The following RBFOX1 variants were observed in gnomAD, a reference collection of about 807,000 sequenced individuals.
The protein encoded by RBFOX1 is RNA binding protein fox-1 homolog 1.
In RBFOX1, 8 loss-of-function variants were observed where a neutral mutation model predicts 57.7. That is an observed-to-expected ratio of 0.14 (90% CI 0.08 to 0.25). RBFOX1 has a LOEUF of 0.25. RBFOX1 is among the 10% of genes least tolerant of loss of function. The probability of loss-of-function intolerance (pLI) is 1.00; values close to 1 mark genes in which losing one functional copy is unlikely to be tolerated. For missense variants in RBFOX1, 611 were observed against 548.5 expected (o/e 1.11, Z -1.14); for synonymous variants, 326 against 222.4 (o/e 1.47, Z -4.15).
Position 7,351,397 on chromosome 16 carries a change from A to C in RBFOX1, c.28-166750A>C, listed in dbSNP as rs192055566. 1.7e-3 allele frequency among the ~76,000 whole-genome samples: 266 copies of C among 152,392 alleles called. 2 individuals carry two copies. The highest frequency in any genetic ancestry group is 0.015 in the Admixed American group (229 of 15,308). On this transcript the variant is annotated intron_variant, in intron 4 of 15. Transcript: ENST00000550418. The stretch of plus-strand genomic sequence containing the variant: ...ACCACTACGTGCAAGGCACGATGGC[A>C]AACATTAGGAACGCAATGAAGTCAG...
chr16:5,454,650 C>T (rs1207084472), intron 1 of RBFOX1, among the ~76,000 whole-genome samples: 2 of 152,164 alleles, frequency 1.3e-5, no homozygotes, highest in Non-Finnish European at 2.9e-5. Flanking sequence ...ACCTGGGTCT[C>T]TATTTGGTTA....
chr16:5,892,325 T>G (rs964944718), intron 4 of RBFOX1, among the ~76,000 whole-genome samples: 2 of 152,174 alleles, frequency 1.3e-5, no homozygotes, highest in Non-Finnish European at 2.9e-5. Flanking sequence ...AGTTCTGCCT[T>G]TGCTGTCAGA....
intron 3 of RBFOX1, among the ~76,000 whole-genome samples, chr16:6,672,730 A>G (rs1160734644): frequency 6.6e-6 from 1 of 152,132 alleles, no homozygotes; most frequent in Non-Finnish European, 1.5e-5. Context: ...TGCCTTGTGA[A>G]GCAGTGAGGC....
At chr16:5,251,114 ACCCTGCTAACGGTCCCCCCAGC>A (rs1292999670) in intron 1 of RBFOX1, among the ~76,000 whole-genome samples, 3 of 139,834 alleles carry the variant, frequency 2.1e-5, no homozygotes, top group Non-Finnish European at 4.8e-5. Context: ...GTCCCCGCAG[ACCCTGCTAACGGTCCCCCCAGC>A]CCCTGCTAAC....
chr16:5,383,973 A>G (rs1338189744), intron 1 of RBFOX1, among the ~76,000 whole-genome samples: 2 of 152,268 alleles, frequency 1.3e-5, no homozygotes, highest in East Asian at 1.9e-4. Flanking sequence ...ATTCTCCTCC[A>G]TGCTGGCTTC....
intron 4 of RBFOX1, among the ~76,000 whole-genome samples, chr16:7,217,373 T>C (rs4625735): frequency 0.73 from 107,745 of 147,048 alleles, 40,105 homozygotes; most frequent in East Asian, 0.96. Flanking sequence ...TTAGGTGATG[T>C]CCACCTTGGC....
chr16:7,663,523 G>C (rs912363932), intron 12 of RBFOX1, among the ~76,000 whole-genome samples: 1 of 151,956 alleles, frequency 6.6e-6, no homozygotes, highest in Non-Finnish European at 1.5e-5. Flanking sequence ...GTGTGTGTGT[G>C]TGTGTGTGTT....
chr16:7,160,550 G>T (rs1327620303), intron 4 of RBFOX1, among the ~76,000 whole-genome samples: 6 of 151,992 alleles, frequency 3.9e-5, no homozygotes, highest in Non-Finnish European at 7.4e-5. Context: ...ACTTGTTCTT[G>T]TTGATTCAAT....
Position 5,901,038 on chromosome 16 carries a change from C to T in RBFOX1, c.351+33703C>T, listed in dbSNP as rs1034530780. 8.5e-5 allele frequency among the ~76,000 whole-genome samples: 13 copies of T among 152,182 alleles called. No individual in the cohort carries two copies. In the East Asian group the frequency reaches 1.9e-3, roughly 23 times the overall value. On this transcript the variant is annotated intron_variant, in intron 4 of 19. Transcript: ENST00000641259. ...CTGCCTTTGGTTGCAGAGATACCTG[C>T]CTCCTCTCCATTATTCCAGAGCACC...
In RBFOX1 at chr16:5,523,914, G is replaced by A. The variant is rs866144444; in HGVS notation, c.258+56660G>A. 1.9e-4 allele frequency among the ~76,000 whole-genome samples: 29 copies of A among 152,262 alleles called. No individual in the cohort carries two copies. The Middle Eastern group carries it at 0.014, about 71-fold the overall frequency. ...CATCCTGGTTCGGCTGCACAGGGAC[G>A]GACCAGAAGGTTAAGCGCCCCTCCG... On this transcript the variant is annotated intron_variant, in intron 2 of 2. Coordinates refer to the RBFOX1 transcript ENST00000585867.
chr16:6,868,445 C>G (rs2060305948), intron 3 of RBFOX1, among the ~76,000 whole-genome samples: 1 of 151,908 alleles, frequency 6.6e-6, no homozygotes, highest in Non-Finnish European at 1.5e-5. Context: ...GTAGGAAAGT[C>G]ACATTCAAGC....
At chr16:7,106,379 T>C (rs1212327230) in intron 4 of RBFOX1, among the ~76,000 whole-genome samples, 2 of 152,142 alleles carry the variant, frequency 1.3e-5, no homozygotes, top group African/African-American at 4.8e-5. Context: ...GGAGTCAGAT[T>C]GAAAAATATT....
intron 11 of RBFOX1, among the ~76,000 whole-genome samples, chr16:7,634,834 G>A (rs1428787653): frequency 6.6e-6 from 1 of 152,138 alleles, no homozygotes; most frequent in Admixed American, 6.5e-5. Context: ...TGTAAAATGG[G>A]CCTGCTTTCT....
intron 3 of RBFOX1, among the ~76,000 whole-genome samples, chr16:5,804,057 C>G (rs1381275027): frequency 6.6e-6 from 1 of 152,192 alleles, no homozygotes; most frequent in Non-Finnish European, 1.5e-5. Flanking sequence ...TGCATCTATT[C>G]TTCCAGGATC....
chr16:5,922,175 C>G (rs577230868), intron 4 of RBFOX1, among the ~76,000 whole-genome samples: 2 of 152,012 alleles, frequency 1.3e-5, no homozygotes, highest in Non-Finnish European at 2.9e-5. Context: ...AAGAAACAAA[C>G]CCCCAAACCC....
intron 4 of RBFOX1, among the ~76,000 whole-genome samples, chr16:7,436,013 A>C (rs568299769): frequency 1.3e-5 from 2 of 152,014 alleles, no homozygotes; most frequent in Non-Finnish European, 2.9e-5. Context: ...TCTTCAGTTA[A>C]TTTTTAGGGA....
At chr16:6,489,144 A>G (rs2095571954) in intron 2 of RBFOX1, among the ~76,000 whole-genome samples, 1 of 152,174 alleles carries the variant, frequency 6.6e-6, no homozygotes, top group Non-Finnish European at 1.5e-5. Context: ...TAGTACGAGA[A>G]GTGCTGGAAA....
In RBFOX1 at chr16:6,932,279, G is replaced by T. The variant is rs572467248; in HGVS notation, c.-15-119778G>T. On this transcript the variant is annotated intron_variant, in intron 3 of 15. Coordinates refer to ENST00000550418, the MANE Select transcript of RBFOX1 (RefSeq NM_018723.4). ...CCACCACACCTGGCTAATTTTTTTT[G>T]AATTTTCAGTAGAGACGGGGTTTCA... 8.5e-4 allele frequency among the ~76,000 whole-genome samples: 129 copies of T among 151,878 alleles called. 2 individuals carry two copies. Among genetic ancestry groups the T allele is most frequent in the African/African-American group, 3.0e-3 (125 of 41,440 alleles).
chr16:6,824,757 C>G (rs1603629254), intron 3 of RBFOX1, among the ~76,000 whole-genome samples: 3 of 152,020 alleles, frequency 2.0e-5, no homozygotes, highest in African/African-American at 7.2e-5. Context: ...TCTTTAAAAA[C>G]TTTTCTGGAA....
Sources: gnomAD v4.1 joint callset for allele counts (sites outside exome capture counted in the v4.1 genomes callset) on GRCh38, gnomAD v4.1.1 for gene constraint, MANE v1.5 for transcripts, NCBI Gene and HGNC (gene_info 2026-07-23, HGNC 2026-07-21) for gene names.